Variants in UBE3D observed in about 807,000 individuals in gnomAD.
The protein encoded by UBE3D is ubiquitin protein ligase E3D, also known as E3 ubiquitin-protein ligase E3D.
Under a neutral mutation model 49.6 loss-of-function variants are expected in UBE3D, and 48 were observed. The ratio of observed to expected loss-of-function variants is 0.97; its 90% CI spans 0.77 to 1.23. The LOEUF is 1.23. UBE3D is among the 50% of genes most tolerant of loss of function. UBE3D has a pLI of 0.00. For missense variants in UBE3D, 452 were observed against 468.4 expected (o/e 0.96, Z 0.32); for synonymous variants, 189 against 174.2 (o/e 1.08, Z -0.67).
At chr6:82,958,947 T>C (rs973082103) in intron 8 of UBE3D, among the ~76,000 whole-genome samples, 1 of 152,102 alleles carries the variant, frequency 6.6e-6, no homozygotes, top group Non-Finnish European at 1.5e-5. Flanking sequence ...GTAAATTTTC[T>C]AGGGGAGTCA....
At chr6:82,904,152 A>T (rs997220388) in intron 9 of UBE3D, among the ~76,000 whole-genome samples, 1 of 152,226 alleles carries the variant, frequency 6.6e-6, no homozygotes, top group African/African-American at 2.4e-5. Flanking sequence ...GTAAGTCCCC[A>T]GTTAATGTTG....
intron 9 of UBE3D, among the ~76,000 whole-genome samples, chr6:82,938,005 A>C (rs539043536): frequency 4.6e-5 from 7 of 152,008 alleles, no homozygotes; most frequent in Non-Finnish European, 8.8e-5. Context: ...ACACACACAC[A>C]CAACAACCCT....
intron 9 of UBE3D, among the ~76,000 whole-genome samples, chr6:82,928,893 T>C (rs1243881844): frequency 6.6e-6 from 1 of 152,148 alleles, no homozygotes; most frequent in African/African-American, 2.4e-5. Context: ...CTAACAAAGA[T>C]ATGCATAACA....
intron 9 of UBE3D, among the ~76,000 whole-genome samples, chr6:82,943,414 T>C (rs1405747607): frequency 6.6e-6 from 1 of 152,078 alleles, no homozygotes; most frequent in Admixed American, 6.5e-5. Context: ...TGCGGGAGAA[T>C]TGCTTGGGCC....
chr6:82,977,252 A>T (rs994913557), intron 8 of UBE3D, among the ~76,000 whole-genome samples: 1 of 151,786 alleles, frequency 6.6e-6, no homozygotes, highest in Non-Finnish European at 1.5e-5. Context: ...TTTTTTCACC[A>T]TGATCTCTAT....
In UBE3D at chr6:83,034,711, T is replaced by C. The variant is rs146232680; in HGVS notation, c.667+3705A>G. 9.6e-3 allele frequency among the ~76,000 whole-genome samples: 1,468 copies of C among 152,296 alleles called. 22 individuals are homozygous for C. Among genetic ancestry groups the C allele is most frequent in the African/African-American group, 0.034 (1,393 of 41,550 alleles). On this transcript the variant is annotated intron_variant, in intron 5 of 9. Transcript: ENST00000369747. The stretch of plus-strand genomic sequence containing the variant: ...AGGTGCTTGCTGCTTCTTTGCCTTC[T>C]GCCATGACTGTAAGTTTCCTGAGGC...
chr6:82,993,124 GAGAGAGAGAGAGAGAGAC>G (rs1007030356), intron 8 of UBE3D, among the ~76,000 whole-genome samples: 2 of 149,970 alleles, frequency 1.3e-5, no homozygotes, highest in Admixed American at 6.7e-5. Flanking sequence ...TCGGGGGGGA[GAGAGAGAGAGAGAGAGAC>G]AGAGAGAGAG....
chr6:82,886,493 T>TC, the UBE3D span, among the ~76,000 whole-genome samples: 2 of 151,984 alleles, frequency 1.3e-5, no homozygotes, highest in Non-Finnish European at 2.9e-5. Context: ...AGGCTGGTAC[T>TC]GGTCCATAGC....
chr6:82,911,687 C>T (rs534587729), intron 9 of UBE3D, among the ~76,000 whole-genome samples: 1 of 152,234 alleles, frequency 6.6e-6, no homozygotes, highest in African/African-American at 2.4e-5. Context: ...GTGCATTTCA[C>T]TAGTGCTGCT....
chr6:82,921,540 T>C (rs918675702), intron 9 of UBE3D, among the ~76,000 whole-genome samples: 1 of 151,906 alleles, frequency 6.6e-6, no homozygotes, highest in Non-Finnish European at 1.5e-5. Context: ...GTAAATGAAC[T>C]GGAGAAAAAA....
chr6:83,049,724 AG>A (rs1263610083), intron 3 of UBE3D: 1 of 470,624 alleles, frequency 2.1e-6, no homozygotes, highest in East Asian at 6.9e-5. Flanking sequence ...CAGGGAGAAC[AG>A]GGCGAACCAT....
In UBE3D at chr6:82,892,993, CG is replaced by C; in HGVS notation, c.*28del. The C allele has an allele frequency of 6.2e-7, 1 of 1,613,424 alleles. No individual in the cohort carries two copies. Reference sequence around the variant, plus strand: ...GTGCTCCTGCTTGAGAGCTGTCTGCCGGGGGAGGAGAATGCCCAGCTCTAAT... The same window carrying C: ...GTGCTCCTGCTTGAGAGCTGTCTGCCGGGGAGGAGAATGCCCAGCTCTAAT... On this transcript the variant is annotated 3_prime_UTR_variant, in exon 10 of 10. Coordinates refer to ENST00000369747, the MANE Select transcript of UBE3D (RefSeq NM_198920.3).
downstream of UBE3D, among the ~76,000 whole-genome samples, chr6:82,890,683 G>A (rs956222039): frequency 2.6e-5 from 4 of 152,140 alleles, no homozygotes; most frequent in Non-Finnish European, 5.9e-5. Context: ...GGCTGGCTTG[G>A]TTCCTCCTAA....
At chr6:82,927,617 G>A (rs1364583234) in intron 9 of UBE3D, among the ~76,000 whole-genome samples, 1 of 151,906 alleles carries the variant, frequency 6.6e-6, no homozygotes, top group African/African-American at 2.4e-5. Context: ...TTTCACATTT[G>A]GGGGGCTAAT....
chr6:82,947,266 A>G (rs879929283), intron 9 of UBE3D, among the ~76,000 whole-genome samples: 2 of 152,042 alleles, frequency 1.3e-5, no homozygotes, highest in African/African-American at 2.4e-5. Context: ...TTGTAAATAT[A>G]TGTGCACCCA....
At chr6:82,970,107 A>G (rs1355212345) in intron 8 of UBE3D, among the ~76,000 whole-genome samples, 1 of 148,278 alleles carries the variant, frequency 6.7e-6, no homozygotes, top group Non-Finnish European at 1.5e-5. Flanking sequence ...TATATATAAT[A>G]GAACATGATA....
chr6:82,967,460 C>T (rs141992780), intron 8 of UBE3D, among the ~76,000 whole-genome samples: 201 of 152,028 alleles, frequency 1.3e-3, no homozygotes, highest in African/African-American at 4.5e-3. Context: ...GGCACAACCA[C>T]CTCCCTTCCC....
At chr6:82,988,983 T>C (rs1375000267) in intron 8 of UBE3D, among the ~76,000 whole-genome samples, 3 of 152,032 alleles carry the variant, frequency 2.0e-5, no homozygotes, top group Admixed American at 6.6e-5. Context: ...TTCACAACAC[T>C]ACACAAAAAT....
At chr6:83,051,529 T>A (rs573952878) in intron 3 of UBE3D, among the ~76,000 whole-genome samples, 1 of 152,252 alleles carries the variant, frequency 6.6e-6, no homozygotes, top group Non-Finnish European at 1.5e-5. Context: ...TTACACTGAT[T>A]TAACATGTTC....
Sources: allele counts gnomAD v4.1 joint callset (sites outside exome capture counted in the v4.1 genomes callset), GRCh38; gene constraint gnomAD v4.1.1; transcripts MANE v1.5; gene names NCBI Gene and HGNC (gene_info 2026-07-23, HGNC 2026-07-21).